Variants in PPP3CA observed in about 807,000 individuals in gnomAD.
The protein encoded by PPP3CA is protein phosphatase 3 catalytic subunit alpha.
A neutral mutation model predicts 66.5 loss-of-function variants in PPP3CA; 14 were observed. That is an observed-to-expected ratio of 0.21 (90% confidence interval 0.14 to 0.33). The LOEUF is 0.33. Among genes scored for constraint, PPP3CA ranks in the 10% least tolerant of loss-of-function variants. The probability of loss-of-function intolerance (pLI) is 1.00; values close to 1 mark genes in which losing one functional copy is unlikely to be tolerated. For synonymous variants in PPP3CA, 232 were observed against 226.2 expected, an observed-to-expected ratio of 1.03 and a Z score of -0.23; for missense variants, 317 against 639.5, an observed-to-expected ratio of 0.50 and a Z score of 5.44.
intron 2 of PPP3CA, among the ~76,000 whole-genome samples, chr4:101,195,001 G>A (rs113126259): frequency 0.063 from 9,540 of 152,116 alleles, 974 homozygotes; most frequent in African/African-American, 0.21. Context: ...GGCCCGGAGT[G>A]GTGGCTTATG....
intron 10 of PPP3CA, among the ~76,000 whole-genome samples, chr4:101,059,963 C>T (rs2695189): frequency 0.25 from 37,825 of 151,866 alleles, 6,338 homozygotes; most frequent in East Asian, 0.85. Flanking sequence ...GTATTATTTA[C>T]GGAAAAATGA....
chr4:101,277,750 T>A (rs2110273883), intron 1 of PPP3CA, among the ~76,000 whole-genome samples: 1 of 152,340 alleles, frequency 6.6e-6, no homozygotes, highest in Non-Finnish European at 1.5e-5. Context: ...CAATATTTAT[T>A]AAGTACCTAC....
At chr4:101,109,725 G>A (rs1721607923) in intron 2 of PPP3CA, among the ~76,000 whole-genome samples, 1 of 147,240 alleles carries the variant, frequency 6.8e-6, no homozygotes, top group Non-Finnish European at 1.5e-5. Context: ...ATGTTAAAGT[G>A]AAAAAAACTA....
intron 1 of PPP3CA, among the ~76,000 whole-genome samples, chr4:101,328,379 G>C (rs1332528668): frequency 2.6e-5 from 4 of 152,110 alleles, no homozygotes; most frequent in Admixed American, 2.6e-4. Context: ...ATTCATCATA[G>C]TACAAGAATA....
intron 2 of PPP3CA, among the ~76,000 whole-genome samples, chr4:101,147,034 C>A (rs1280742197): frequency 6.6e-6 from 1 of 152,010 alleles, no homozygotes; most frequent in African/African-American, 2.4e-5. Flanking sequence ...CTGTTTTTAT[C>A]CTCATTTTTC....
At chr4:101,177,009 A>G (rs28599683) in intron 2 of PPP3CA, among the ~76,000 whole-genome samples, 4,190 of 152,278 alleles carry the variant, frequency 0.028, 206 homozygotes, top group African/African-American at 0.095. Flanking sequence ...TTAAATAAGA[A>G]AATGTTTTTG....
At chr4:101,068,238 A>G (rs1490418755) in intron 8 of PPP3CA, among the ~76,000 whole-genome samples, 2 of 152,154 alleles carry the variant, frequency 1.3e-5, no homozygotes, top group Non-Finnish European at 2.9e-5. Context: ...CCATCCAGAA[A>G]TAGCAAAAGC....
intron 6 of PPP3CA, among the ~76,000 whole-genome samples, chr4:101,083,869 G>T (rs1018724110): frequency 2.0e-5 from 3 of 152,116 alleles, no homozygotes; most frequent in Non-Finnish European, 4.4e-5. Context: ...CAAAATTATG[G>T]ATATTCACAA....
chr4:101,173,656 CAAAT>C (rs1388108907), intron 2 of PPP3CA, among the ~76,000 whole-genome samples: 1 of 151,924 alleles, frequency 6.6e-6, no homozygotes, highest in African/African-American at 2.4e-5. Flanking sequence ...GTCTTCCATC[CAAAT>C]AATTTTAATT....
intron 1 of PPP3CA, among the ~76,000 whole-genome samples, chr4:101,305,281 T>G (rs1235057215): frequency 2.0e-5 from 3 of 152,236 alleles, no homozygotes; most frequent in Admixed American, 2.0e-4. Flanking sequence ...AGTTCACGAC[T>G]GAAAACTGAA....
chr4:101,196,252 C>G (rs1724788247), intron 1 of PPP3CA, 136 bp from the exon 2 acceptor site: 8 of 779,534 alleles, frequency 1.0e-5, no homozygotes, highest in Non-Finnish European at 1.6e-5. Flanking sequence ...AAAATATGAT[C>G]AAGGGCTATC....
In PPP3CA at chr4:101,099,637, G is replaced by T; in HGVS notation, c.470C>A (p.Thr157Lys). Residue 157 changes from threonine (T) to lysine (K), a missense_variant, in exon 4 of 14, where the codon ACA becomes AAA. This residue lies in a region of PPP3CA where 201 missense variants were observed against 501.4 expected (regional missense o/e 0.40). Coordinates refer to ENST00000394854, the MANE Select transcript of PPP3CA (RefSeq NM_000944.5). ...LRGNHECRHL[T>K]EYFTFKQECK... ...TTCTTGTTTAAATGTGAAATACTCT[G>T]TTAGATGTCTACATTCATGATTTCC... is the stretch of plus-strand genomic sequence containing the variant. 1 of 1,589,280 alleles carries T rather than the reference G, an allele frequency of 6.3e-7. No individual in the cohort carries two copies. Among genetic ancestry groups the T allele is most frequent in the Non-Finnish European group, 8.6e-7 (1 of 1,165,836 alleles).
chr4:101,129,643 C>G (rs1039985613), intron 2 of PPP3CA, among the ~76,000 whole-genome samples: 8 of 152,198 alleles, frequency 5.3e-5, no homozygotes, highest in African/African-American at 1.9e-4. Context: ...AGCAGACCTG[C>G]AGCAGAGGGG....
In PPP3CA at chr4:101,093,865, C is replaced by T; in HGVS notation, c.693G>A (p.Leu231=). ...CAAAATCTTCCAGGGGGTCTGACCA[C>T]AGGATATCACACATAGGTCCATATG... ...PPAYGPMCDI[L]WSDPLEDFGN... The change falls in exon 6 of 14, where the codon CTG becomes CTA. Residue 231 remains leucine (L), a synonymous_variant. Coordinates refer to ENST00000394854, the MANE Select transcript of PPP3CA (RefSeq NM_000944.5). 6.2e-7 allele frequency: 1 copy of T among 1,613,308 alleles called. No homozygotes were observed. Among genetic ancestry groups the T allele is most frequent in the Non-Finnish European group, 8.5e-7 (1 of 1,179,492 alleles).
At chr4:101,153,070 A>T (rs1723194439) in intron 2 of PPP3CA, among the ~76,000 whole-genome samples, 5 of 152,182 alleles carry the variant, frequency 3.3e-5, no homozygotes, top group Admixed American at 3.3e-4. Flanking sequence ...GACCAAGAGA[A>T]GGCTGGAGAA....
Position 101,281,119 on chromosome 4 carries a change from C to T in PPP3CA, c.58+65620G>A, listed in dbSNP as rs114294734. On this transcript the variant is annotated intron_variant, in intron 1 of 13. Coordinates refer to ENST00000394854, the MANE Select transcript of PPP3CA (RefSeq NM_000944.5). Reference sequence around the variant, plus strand: ...TGCTAAGTCAAATTAGATGAGCCTGCTATTCAACCTGACAACACTGAGGTT... The same window carrying T: ...TGCTAAGTCAAATTAGATGAGCCTGTTATTCAACCTGACAACACTGAGGTT... 7.9e-3 allele frequency among the ~76,000 whole-genome samples: 1,207 copies of T among 152,282 alleles called. 15 individuals carry two copies. The highest frequency in any genetic ancestry group is 0.028 in the African/African-American group (1,164 of 41,560).
intron 8 of PPP3CA, among the ~76,000 whole-genome samples, chr4:101,074,914 G>A (rs1729116334): frequency 6.6e-6 from 1 of 152,180 alleles, no homozygotes; most frequent in Non-Finnish European, 1.5e-5. Context: ...AATTTTTAAA[G>A]GAAAGATGTT....
chr4:101,023,504 A>C lies in PPP3CA; in HGVS notation c.*2361T>G, dbSNP rs1726476611. 1.3e-5 allele frequency: 2 copies of C among 152,232 alleles called. No homozygotes were observed. The highest frequency in any genetic ancestry group is 4.1e-4 in the South Asian group (2 of 4,822). The allele number at this position is 152,232 out of a possible 1,614,324, so 9.4% of individuals were successfully genotyped here. A position where few individuals can be genotyped will look rare whatever the true frequency, so the allele number is the denominator to read the frequency against. On this transcript the variant is annotated 3_prime_UTR_variant, in exon 14 of 14. Coordinates refer to ENST00000394854, the MANE Select transcript of PPP3CA (RefSeq NM_000944.5). ...AATTTGTAAAAGAAAGGAATCCAAAAAAATGAATTTTTTTTAGTCAGGATA... is the reference window on the plus strand; with the variant it reads ...AATTTGTAAAAGAAAGGAATCCAAACAAATGAATTTTTTTTAGTCAGGATA...
intron 1 of PPP3CA, among the ~76,000 whole-genome samples, chr4:101,331,931 C>T (rs904033648): frequency 2.0e-5 from 3 of 152,078 alleles, no homozygotes; most frequent in African/African-American, 4.8e-5. Flanking sequence ...AAGTAGGTAT[C>T]GGCATAATCA....
Sources: allele counts gnomAD v4.1 joint callset (sites outside exome capture counted in the v4.1 genomes callset), GRCh38; gene constraint gnomAD v4.1.1; regional missense constraint gnomAD v4.1.1; transcripts MANE v1.5; gene names NCBI Gene and HGNC (gene_info 2026-07-23, HGNC 2026-07-21).